PDS5B: variants seen among roughly 807,000 people sequenced by gnomAD.
PDS5B encodes PDS5 cohesin associated factor B.
PDS5B carries 51 observed loss-of-function variants against 184.1 expected under a neutral mutation model. The observed-to-expected ratio is 0.28, with a 90% CI of 0.22 to 0.35. PDS5B has a LOEUF of 0.35. Ranked by LOEUF, PDS5B falls within the 10% of genes least tolerant of loss-of-function variation. The pLI, the probability that PDS5B is intolerant of heterozygous loss-of-function variation, is 1.00. For missense variants in PDS5B, 1,180 were observed against 1,723.3 expected, an observed-to-expected ratio of 0.68 and a Z score of 5.58; for synonymous variants, 566 against 569.2, an observed-to-expected ratio of 0.99 and a Z score of 0.08.
At position 32,698,350 on chromosome 13, in the gene PDS5B, C is replaced by T. The variant is rs140684319; in HGVS notation, c.1601-1380C>T. ...AAAATTATTTGAAAAAATACCTTTT[C>T]CTGAACACTGTTAAACTCCACTGAA... On this transcript the variant is annotated intron_variant, in intron 15 of 34. Coordinates refer to ENST00000315596, the MANE Select transcript of PDS5B (RefSeq NM_015032.4). Among the ~76,000 whole-genome samples, 113 of 151,988 alleles carry T rather than the reference C, an allele frequency of 7.4e-4. 1 individual carries two copies. The highest frequency in any genetic ancestry group is 1.1e-3 in the Non-Finnish European group (76 of 67,984).
chr13:32,772,382 T>C (rs1954819176), intron 33 of PDS5B, among the ~76,000 whole-genome samples: 1 of 152,148 alleles, frequency 6.6e-6, no homozygotes, highest in African/African-American at 2.4e-5. Flanking sequence ...GGGCTCGTGG[T>C]TCTTGTTTTC....
chr13:32,676,563 C>T (rs17077731), intron 9 of PDS5B, among the ~76,000 whole-genome samples: 1,593 of 152,182 alleles, frequency 0.01, 39 homozygotes, highest in African/African-American at 0.035. Flanking sequence ...GGCCGAAACC[C>T]GCTCTGACTC....
chr13:32,692,373 T>C (rs1951574083), intron 13 of PDS5B, among the ~76,000 whole-genome samples: 1 of 151,240 alleles, frequency 6.6e-6, no homozygotes, highest in Non-Finnish European at 1.5e-5. Context: ...GGGTCTTTGT[T>C]GTGATCTTCT....
At chr13:32,692,366 T>C (rs887527325) in intron 13 of PDS5B, among the ~76,000 whole-genome samples, 7 of 147,660 alleles carry the variant, frequency 4.7e-5, no homozygotes, top group Non-Finnish European at 1.0e-4. Context: ...GGTATCGGGG[T>C]CTTTGTTGTG....
intron 1 of PDS5B, among the ~76,000 whole-genome samples, chr13:32,615,744 A>G (rs2058208911): frequency 6.6e-6 from 1 of 152,190 alleles, no homozygotes; most frequent in Non-Finnish European, 1.5e-5. Context: ...GCTTCTCTTA[A>G]TAAGCATGGA....
Position 32,759,229 on chromosome 13 carries a change from AG to A in PDS5B, c.3310-398del, listed in dbSNP as rs535019040. ...ACCACTATCCTCTTTTTGCTTTTAA[AG>A]CAAAATGCCAGTTAAGACCTTACCA... is the stretch of plus-strand genomic sequence containing the variant. On this transcript the variant is annotated intron_variant, in intron 28 of 34. Transcript: ENST00000315596. Among the ~76,000 whole-genome samples, 1,380 of 152,266 alleles carry A rather than the reference AG, an allele frequency of 9.1e-3. 26 individuals are homozygous for A. Among genetic ancestry groups the A allele is most frequent in the African/African-American group, 0.032 (1,328 of 41,570 alleles).
At chr13:32,615,370 A>G (rs2058202768) in intron 1 of PDS5B, among the ~76,000 whole-genome samples, 1 of 152,176 alleles carries the variant, frequency 6.6e-6, no homozygotes, top group African/African-American at 2.4e-5. Context: ...TATATTATCC[A>G]AAGCTGAATT....
intron 15 of PDS5B, among the ~76,000 whole-genome samples, chr13:32,697,785 A>G (rs2140860687): frequency 1.3e-5 from 2 of 152,288 alleles, no homozygotes; most frequent in South Asian, 4.1e-4. Context: ...ATCATAACTC[A>G]AAGCTATCTT....
chr13:32,717,872 T>C (rs1952525899), intron 19 of PDS5B, among the ~76,000 whole-genome samples: 1 of 151,290 alleles, frequency 6.6e-6, no homozygotes, highest in South Asian at 2.1e-4. Context: ...ACATGAATAC[T>C]AAAACCTAGT....
chr13:32,612,957 T>G (rs2058165619), intron 1 of PDS5B, among the ~76,000 whole-genome samples: 1 of 152,238 alleles, frequency 6.6e-6, no homozygotes. Context: ...ACTGACTTTT[T>G]GTCTGTAGTT....
rs775534093 is a variant in PDS5B, at chr13:32,745,988, T to C, written c.2624T>C (p.Met875Thr). ...TACTCATTTTTCAGTAAACCAGATA[T>C]GTCACGTCTGAGACTTGCTGCTGGG... ...TEQGKISKPD[M>T]SRLRLAAGSA... Residue 875 changes from methionine to threonine, a missense_variant, in exon 24 of 35, where the codon ATG becomes ACG. This residue lies in a region of PDS5B where 475 missense variants were observed against 691.5 expected (regional missense o/e 0.69). Coordinates refer to ENST00000315596, the MANE Select transcript of PDS5B (RefSeq NM_015032.4). The C allele has an allele frequency of 3.7e-6, 6 of 1,612,268 alleles. No individual in the cohort carries two copies. The highest frequency in any genetic ancestry group is 4.5e-5 in the East Asian group (2 of 44,866).
intron 31 of PDS5B, among the ~76,000 whole-genome samples, chr13:32,767,168 G>A (rs1390620133): frequency 6.6e-6 from 1 of 152,176 alleles, no homozygotes; most frequent in East Asian, 1.9e-4. Flanking sequence ...AATAATTTCA[G>A]ATCATGCCAA....
chr13:32,686,951 A>G (rs1273709951), intron 11 of PDS5B, among the ~76,000 whole-genome samples, 183 bp from the exon 12 acceptor site: 1 of 152,188 alleles, frequency 6.6e-6, no homozygotes, highest in Non-Finnish European at 1.5e-5. Context: ...TACATGGTAG[A>G]AATATTTATG....
At chr13:32,587,008 G>C (rs1246849409) in intron 1 of PDS5B, among the ~76,000 whole-genome samples, 1 of 127,846 alleles carries the variant, frequency 7.8e-6, no homozygotes, top group Non-Finnish European at 1.6e-5. Flanking sequence ...CGCCGTCGCC[G>C]CCGCCGCGCC....
chr13:32,756,800 C>A (rs1954195955), intron 26 of PDS5B, among the ~76,000 whole-genome samples: 1 of 151,924 alleles, frequency 6.6e-6, no homozygotes, highest in Non-Finnish European at 1.5e-5. Flanking sequence ...CCCTTTTTTT[C>A]CCACTGCAGT....
intron 6 of PDS5B, among the ~76,000 whole-genome samples, chr13:32,663,097 C>A (rs1950692158): frequency 6.6e-6 from 1 of 152,094 alleles, no homozygotes; most frequent in African/African-American, 2.4e-5. Flanking sequence ...CAAAACTCTT[C>A]TTTTCAAACA....
rs190591879 is a variant in PDS5B at position 32,695,990 on chromosome 13, C to T, written c.1552-864C>T. 2.5e-4 allele frequency among the ~76,000 whole-genome samples: 38 copies of T among 152,142 alleles called. 1 individual carries two copies. In the East Asian group the frequency reaches 5.2e-3, roughly 21 times the overall value. On this transcript the variant is annotated intron_variant, in intron 14 of 34. Coordinates refer to ENST00000315596, the MANE Select transcript of PDS5B (RefSeq NM_015032.4). Reference sequence around the variant, plus strand: ...AGAATGGAGGAGGATAGCCCAGCACCGCTTTGTTCCCCCCAAATAAAACAG... The same window carrying T: ...AGAATGGAGGAGGATAGCCCAGCACTGCTTTGTTCCCCCCAAATAAAACAG...
chr13:32,605,576 T>A (rs1227623311), intron 1 of PDS5B, among the ~76,000 whole-genome samples: 1 of 152,190 alleles, frequency 6.6e-6, no homozygotes, highest in Non-Finnish European at 1.5e-5. Flanking sequence ...GTTCTGTAGA[T>A]GTCTGTTAGG....
At chr13:32,692,411 A>T (rs634119) in intron 13 of PDS5B, among the ~76,000 whole-genome samples, 125,866 of 125,948 alleles carry the variant, frequency 1, 62,892 homozygotes, top group Middle Eastern at 1. Context: ...TGCGTCCAAA[A>T]AGCCTTTTTT....
Sources: allele counts gnomAD v4.1 joint callset (sites outside exome capture counted in the v4.1 genomes callset), GRCh38; gene constraint gnomAD v4.1.1; regional missense constraint gnomAD v4.1.1; transcripts MANE v1.5; gene names NCBI Gene and HGNC (gene_info 2026-07-23, HGNC 2026-07-21).